SRPK2: variants seen among roughly 807,000 people sequenced by gnomAD.
The protein encoded by SRPK2 is SFRS protein kinase 2.
In SRPK2, 21 loss-of-function variants were observed where a neutral mutation model predicts 90.8. The observed-to-expected ratio is 0.23, with a 90% CI of 0.16 to 0.33. SRPK2 has a LOEUF of 0.33. Among genes scored for constraint, SRPK2 ranks in the 10% least tolerant of loss-of-function variants. SRPK2 has a pLI of 1.00. For synonymous variants in SRPK2, 288 were observed against 311.1 expected (o/e 0.93, Z 0.78); for missense variants, 620 against 869.0 (o/e 0.71, Z 3.60).
upstream of SRPK2, among the ~76,000 whole-genome samples, chr7:105,394,134 T>G (rs1488456725): frequency 6.6e-6 from 1 of 150,384 alleles, no homozygotes; most frequent in Non-Finnish European, 1.5e-5. Flanking sequence ...TCTTTCTTTC[T>G]TTCTTTCTTT....
intron 13 of SRPK2, among the ~76,000 whole-genome samples, chr7:105,129,934 G>A: frequency 6.6e-6 from 1 of 152,100 alleles, no homozygotes; most frequent in East Asian, 1.9e-4. Flanking sequence ...TGTTTCTATG[G>A]CACTGACCAG....
At chr7:105,213,633 C>T (rs191963806) in intron 2 of SRPK2, among the ~76,000 whole-genome samples, 1 of 152,210 alleles carries the variant, frequency 6.6e-6, no homozygotes, top group Admixed American at 6.5e-5. Context: ...AGTAAGCCTA[C>T]CTTTTACATT....
chr7:105,247,385 G>A (rs914874426), intron 2 of SRPK2, among the ~76,000 whole-genome samples: 2 of 152,198 alleles, frequency 1.3e-5, no homozygotes, highest in African/African-American at 2.4e-5. Flanking sequence ...AAGTGAGGTC[G>A]TTAATGGTGA....
intron 2 of SRPK2, 111 bp downstream of exon 2, chr7:105,388,537 G>C: frequency 4.2e-6 from 4 of 944,334 alleles, no homozygotes; most frequent in Non-Finnish European, 5.8e-6. Flanking sequence ...GCGTCCCGGG[G>C]GACCAGCCCG....
rs58717493 is a variant in SRPK2, at chr7:105,245,034, AACACACACACACACACAC to A, written c.72-41267_72-41250del. On this transcript the variant is annotated intron_variant, in intron 2 of 15. Transcript: ENST00000393651. ...TTGAGAGGAAAAACAAAACAAAACA[AACACACACACACACACAC>A]ACACACACACACACACACACACCTC... 1.1e-3 allele frequency: 586 copies of A among 524,248 alleles called. 2 individuals carry two copies. The highest frequency in any genetic ancestry group is 8.4e-3 in the African/African-American group (433 of 51,280). 32.5% of individuals were successfully genotyped at this position (524,248 alleles called of 1,614,324 possible).
At chr7:105,127,117 C>A in intron 13 of SRPK2, 55 bp from the exon 14 acceptor site, 1 of 1,567,214 alleles carries the variant, frequency 6.4e-7, no homozygotes, top group Non-Finnish European at 8.8e-7. Context: ...CCCAAGTCAA[C>A]AGCTTTTTCT....
intron 3 of SRPK2, among the ~76,000 whole-genome samples, chr7:105,180,574 G>A (rs1348247317): frequency 6.6e-6 from 1 of 152,150 alleles, no homozygotes; most frequent in Non-Finnish European, 1.5e-5. Context: ...TGGCCAACAT[G>A]GTGAAACCCT....
chr7:105,243,575 G>A (rs1036041267), intron 2 of SRPK2, among the ~76,000 whole-genome samples: 4 of 146,388 alleles, frequency 2.7e-5, no homozygotes, highest in African/African-American at 7.7e-5. Context: ...AGGCTGCAGT[G>A]AGCCAAGACC....
At chr7:105,319,692 T>C (rs780855215) in intron 2 of SRPK2, among the ~76,000 whole-genome samples, 12 of 152,022 alleles carry the variant, frequency 7.9e-5, no homozygotes, top group Non-Finnish European at 1.6e-4. Flanking sequence ...TAACTATGGG[T>C]ATGCGCCTGT....
At chr7:105,220,508 G>A (rs1017613044) in intron 2 of SRPK2, among the ~76,000 whole-genome samples, 26 of 152,074 alleles carry the variant, frequency 1.7e-4, no homozygotes, top group Admixed American at 1.3e-3. Flanking sequence ...CCTGGCGACA[G>A]AGCGAGACTC....
At chr7:105,353,875 C>T (rs968150089) in intron 2 of SRPK2, among the ~76,000 whole-genome samples, 3 of 152,130 alleles carry the variant, frequency 2.0e-5, no homozygotes, top group Admixed American at 6.6e-5. Context: ...CTAAAGGCAA[C>T]GCCCAAATCC....
intron 2 of SRPK2, among the ~76,000 whole-genome samples, chr7:105,365,675 T>C (rs1046821692): frequency 4.0e-5 from 6 of 151,594 alleles, no homozygotes; most frequent in African/African-American, 1.5e-4. Context: ...GGCGTGTACC[T>C]GCAGTCTCAG....
chr7:105,116,159 T>G (rs1007294271), downstream of SRPK2, among the ~76,000 whole-genome samples: 1 of 152,202 alleles, frequency 6.6e-6, no homozygotes, highest in South Asian at 2.1e-4. Context: ...AAAGGGATCA[T>G]TGATATTCTA....
At chr7:105,329,608 AT>A (rs1231502161) in intron 2 of SRPK2, among the ~76,000 whole-genome samples, 6 of 151,768 alleles carry the variant, frequency 4.0e-5, no homozygotes, top group African/African-American at 1.5e-4. Flanking sequence ...AAAAAAAAAA[AT>A]AGAAGGCTAG....
At chr7:105,253,153 A>G (rs573520774) in intron 2 of SRPK2, among the ~76,000 whole-genome samples, 1 of 152,252 alleles carries the variant, frequency 6.6e-6, no homozygotes, top group African/African-American at 2.4e-5. Flanking sequence ...AGAAAGAAGC[A>G]CCTCTAACTA....
At chr7:105,147,957 T>TAGGG (rs1804907883) in intron 7 of SRPK2, among the ~76,000 whole-genome samples, 2 of 152,358 alleles carry the variant, frequency 1.3e-5, no homozygotes, top group Admixed American at 6.5e-5. Flanking sequence ...AAAATAATAC[T>TAGGG]GCTATTCACA....
chr7:105,195,376 G>A (rs1794791886), intron 3 of SRPK2, among the ~76,000 whole-genome samples: 1 of 152,160 alleles, frequency 6.6e-6, no homozygotes, highest in Non-Finnish European at 1.5e-5. Context: ...AAAAAGAGGA[G>A]AGATTATAAC....
Position 105,388,316 on chromosome 7 carries a change from C to T in SRPK2, c.71+332G>A, listed in dbSNP as rs548089219. 9.9e-5 allele frequency among the ~76,000 whole-genome samples: 15 copies of T among 151,404 alleles called. No homozygotes were observed. The East Asian group carries it at 2.7e-3, about 28-fold the overall frequency. Reference sequence around the variant, plus strand: ...GCCCCTTCCGGAAAGGGCCGCGACCCCCGGGCCAGCTCGCGGGCAAGGGAC... The same window carrying T: ...GCCCCTTCCGGAAAGGGCCGCGACCTCCGGGCCAGCTCGCGGGCAAGGGAC... On this transcript the variant is annotated intron_variant, in intron 2 of 15. Transcript: ENST00000393651.
At chr7:105,327,067 C>CAAA (rs11350866) in intron 2 of SRPK2, among the ~76,000 whole-genome samples, 5 of 123,304 alleles carry the variant, frequency 4.1e-5, no homozygotes, top group East Asian at 2.5e-4. Context: ...AACTCCGTAT[C>CAAA]AAAAAAAAAA....
Sources: allele counts gnomAD v4.1 joint callset (sites outside exome capture counted in the v4.1 genomes callset), GRCh38; gene constraint gnomAD v4.1.1; transcripts MANE v1.5; gene names NCBI Gene and HGNC (gene_info 2026-07-23, HGNC 2026-07-21).